The following HIVEP3 variants were observed in gnomAD, a reference collection of about 807,000 sequenced individuals.
The protein encoded by HIVEP3 is transcription factor HIVEP3.
In HIVEP3, 49 loss-of-function variants were observed where a neutral mutation model predicts 152.8. The observed-to-expected ratio is 0.32, with a 90% CI of 0.26 to 0.41. The LOEUF (loss-of-function observed/expected upper bound fraction) is 0.41. Ranked by LOEUF, HIVEP3 falls within the 10% of genes least tolerant of loss-of-function variation. HIVEP3 has a pLI of 1.00. For missense variants in HIVEP3, 2,790 were observed against 3,103.3 expected, an observed-to-expected ratio of 0.90 and a Z score of 2.40; for synonymous variants, 1,269 against 1,289.0, an observed-to-expected ratio of 0.98 and a Z score of 0.33.
intron 3 of HIVEP3, among the ~76,000 whole-genome samples, chr1:41,606,373 T>A (rs78612033): frequency 6.6e-6 from 1 of 152,032 alleles, no homozygotes; most frequent in African/African-American, 2.4e-5. Context: ...TTCAGATTTT[T>A]GTTATATGTT....
chr1:41,917,417 C>T (rs1378143242), intron 1 of HIVEP3, among the ~76,000 whole-genome samples: 2 of 152,132 alleles, frequency 1.3e-5, no homozygotes, highest in Non-Finnish European at 2.9e-5. Flanking sequence ...GAAACGTCAG[C>T]GTATACCAGA....
chr1:41,707,866 T>A (rs2124140959), intron 1 of HIVEP3, among the ~76,000 whole-genome samples: 1 of 152,340 alleles, frequency 6.6e-6, no homozygotes, highest in African/African-American at 2.4e-5. Flanking sequence ...ACATGCTCAA[T>A]AACGGTTTGC....
At chr1:41,981,504 C>G (rs376175496) in intron 1 of HIVEP3, among the ~76,000 whole-genome samples, 1 of 152,072 alleles carries the variant, frequency 6.6e-6, no homozygotes, top group African/African-American at 2.4e-5. Context: ...CGGCTGGACT[C>G]AAGGCCTGCC....
At chr1:42,020,372 T>A (rs1396895350) in intron 1 of HIVEP3, among the ~76,000 whole-genome samples, 1 of 152,166 alleles carries the variant, frequency 6.6e-6, no homozygotes, top group Non-Finnish European at 1.5e-5. Context: ...TCTTTAATAA[T>A]GAATTAAACT....
chr1:41,936,407 C>T (rs1645020782), intron 1 of HIVEP3, among the ~76,000 whole-genome samples: 1 of 152,144 alleles, frequency 6.6e-6, no homozygotes, highest in Admixed American at 6.5e-5. Context: ...ATCATATTTC[C>T]ACACACCTGT....
chr1:41,979,169 C>T (rs1350940190), intron 1 of HIVEP3, among the ~76,000 whole-genome samples: 5 of 152,148 alleles, frequency 3.3e-5, no homozygotes, highest in Non-Finnish European at 7.4e-5. Flanking sequence ...GGGACCCAGC[C>T]CAAGCCTCCA....
intron 1 of HIVEP3, among the ~76,000 whole-genome samples, chr1:41,771,686 T>TTTTA (rs1648382336): frequency 1.3e-5 from 2 of 151,860 alleles, no homozygotes; most frequent in Admixed American, 6.6e-5. Context: ...TTTTGTTTTT[T>TTTTA]GAGATGGAGT....
rs1406283060 is a variant in HIVEP3 at position 41,544,868 on chromosome 1, C to CACCACT, written c.5208-19959_5208-19958insAGTGGT. On this transcript the variant is annotated intron_variant, in intron 5 of 8. Coordinates refer to ENST00000372583, the MANE Select transcript of HIVEP3 (RefSeq NM_024503.5). ...CTACCACCACCACCACCACCACCAC[C>CACCACT]ACCACCACTACCACCTCTACCACCA... Among the ~76,000 whole-genome samples, 21 of 89,576 alleles carry CACCACT rather than the reference C, an allele frequency of 2.3e-4. 1 individual carries two copies. The highest frequency in any genetic ancestry group is 2.2e-4 in the Non-Finnish European group (10 of 45,352). The allele number at this position is 89,576 out of a possible 152,430, so 58.8% of individuals were successfully genotyped here.
At position 41,524,775 on chromosome 1, in the gene HIVEP3, G is replaced by A; in HGVS notation, c.5343C>T (p.Pro1781=). 6.2e-7 allele frequency: 1 copy of A among 1,614,148 alleles called. No individual in the cohort carries two copies. The highest frequency in any genetic ancestry group is 8.5e-7 in the Non-Finnish European group (1 of 1,180,034). The change falls in exon 6 of 9, where the codon CCC becomes CCT. Residue 1781 remains proline, a synonymous_variant. Coordinates refer to ENST00000372583, the MANE Select transcript of HIVEP3 (RefSeq NM_024503.5). ...KHIRTHTDVR[P]YVCKHCHFAF... ...CAAAGTGACAGTGCTTGCACACATA[G>A]GGCCGGACGTCAGTGTGGGTGCGGA... is the stretch of plus-strand genomic sequence containing the variant.
intron 1 of HIVEP3, among the ~76,000 whole-genome samples, chr1:41,806,453 G>A (rs1650616298): frequency 6.6e-6 from 1 of 152,224 alleles, no homozygotes; most frequent in African/African-American, 2.4e-5. Context: ...CCCCTGCTAT[G>A]CCACTTACAC....
chr1:41,975,026 G>A (rs1392361783), intron 1 of HIVEP3, among the ~76,000 whole-genome samples: 9 of 152,072 alleles, frequency 5.9e-5, no homozygotes, highest in Non-Finnish European at 1.0e-4. Context: ...GCTTCCCAAG[G>A]GCCACATCCC....
intron 1 of HIVEP3, among the ~76,000 whole-genome samples, chr1:41,779,397 T>C (rs956313147): frequency 6.6e-6 from 1 of 152,250 alleles, no homozygotes; most frequent in Non-Finnish European, 1.5e-5. Flanking sequence ...ACAGGGGCTA[T>C]TGTGAGATTA....
chr1:41,823,609 C>T (rs1642671267), intron 1 of HIVEP3, among the ~76,000 whole-genome samples: 1 of 151,388 alleles, frequency 6.6e-6, no homozygotes, highest in Non-Finnish European at 1.5e-5. Flanking sequence ...CCCTCTACCT[C>T]ATTCTACACT....
chr1:41,763,357 C>G (rs1274213389), intron 1 of HIVEP3, among the ~76,000 whole-genome samples: 3 of 152,162 alleles, frequency 2.0e-5, no homozygotes, highest in African/African-American at 7.2e-5. Flanking sequence ...ACAGGGGTCC[C>G]CAAACCTTTC....
chr1:41,941,311 G>A (rs116578518), intron 1 of HIVEP3, among the ~76,000 whole-genome samples: 373 of 152,286 alleles, frequency 2.4e-3, no homozygotes, highest in African/African-American at 7.9e-3. Flanking sequence ...CCAGAAAAGC[G>A]GGAGCCATTG....
At chr1:41,686,150 C>T (rs1244608198) in intron 2 of HIVEP3, among the ~76,000 whole-genome samples, 1 of 152,162 alleles carries the variant, frequency 6.6e-6, no homozygotes, top group Non-Finnish European at 1.5e-5. Flanking sequence ...CAGCCCACTA[C>T]AACCTCTACC....
chr1:41,524,948 G>A, intron 5 of HIVEP3, 38 bp from the exon 6 acceptor site: 1 of 1,574,022 alleles, frequency 6.4e-7, no homozygotes, highest in East Asian at 2.2e-5. Flanking sequence ...GGAAAAAAAA[G>A]GAGAAGAGGC....
intron 1 of HIVEP3, among the ~76,000 whole-genome samples, chr1:41,821,517 CCCCTACTCCACCCCA>C (rs1208013621): frequency 6.6e-6 from 1 of 152,166 alleles, no homozygotes; most frequent in Non-Finnish European, 1.5e-5. Context: ...TGAAGGGCTT[CCCCTACTCCACCCCA>C]GCCCCAAACA....
intron 1 of HIVEP3, among the ~76,000 whole-genome samples, chr1:41,966,526 T>C (rs1050949372): frequency 5.3e-5 from 7 of 131,518 alleles, no homozygotes; most frequent in African/African-American, 1.7e-4. Flanking sequence ...CAGGCCAGAC[T>C]GCGGTGGCGC....
Sources: gnomAD v4.1 joint callset for allele counts (sites outside exome capture counted in the v4.1 genomes callset) on GRCh38, gnomAD v4.1.1 for gene constraint, MANE v1.5 for transcripts, NCBI Gene and HGNC (gene_info 2026-07-23, HGNC 2026-07-21) for gene names.